Variants in DLGAP2 observed in about 807,000 individuals in gnomAD.
DLGAP2 encodes the protein DLG associated protein 2.
DLGAP2 carries 26 observed loss-of-function variants against 100.3 expected under a neutral mutation model. That is an observed-to-expected ratio of 0.26 (90% confidence interval 0.19 to 0.36). The LOEUF is 0.36. Ranked by LOEUF, DLGAP2 falls within the 10% of genes least tolerant of loss-of-function variation. DLGAP2 has a pLI of 1.00. For missense variants in DLGAP2, 1,858 were observed against 1,453.2 expected (o/e 1.28, Z -4.53); for synonymous variants, 886 against 630.1 (o/e 1.41, Z -6.08).
chr8:1,486,219 G>T (rs2130263959), intron 3 of DLGAP2, among the ~76,000 whole-genome samples: 1 of 152,260 alleles, frequency 6.6e-6, no homozygotes, highest in African/African-American at 2.4e-5. Flanking sequence ...ACTTGCCCCA[G>T]ATCATAAGAG....
chr8:1,337,462 A>ATGATGGTGAGGAAGATGG, intron 3 of DLGAP2, among the ~76,000 whole-genome samples: 1 of 90 alleles, frequency 0.011, no homozygotes, highest in Non-Finnish European at 0.022. Context: ...GATGGTGAGA[A>ATGATGGTGAGGAAGATGG]TGGTGAGGAT....
intron 1 of DLGAP2, among the ~76,000 whole-genome samples, chr8:887,092 T>C (rs1797937589): frequency 6.6e-6 from 1 of 152,238 alleles, no homozygotes; most frequent in Non-Finnish European, 1.5e-5. Context: ...TTAACTCTTC[T>C]TGTCGAATTG....
chr8:1,433,838 C>G lies in DLGAP2; in HGVS notation c.107-67528C>G, dbSNP rs540275212. On this transcript the variant is annotated intron_variant, in intron 3 of 14. Transcript: ENST00000637795. ...CAAATTTTTATTAAATGGTATAAAC[C>G]TCTGCTTATTTGTTCTAAATTTCTC... is the stretch of plus-strand genomic sequence containing the variant. Among the ~76,000 whole-genome samples, 361 of 146,412 alleles carry G rather than the reference C, an allele frequency of 2.5e-3. 1 individual carries two copies. Among genetic ancestry groups the G allele is most frequent in the Non-Finnish European group, 4.2e-3 (281 of 67,232 alleles).
intron 2 of DLGAP2, among the ~76,000 whole-genome samples, chr8:984,265 G>C (rs1387557298): frequency 6.6e-6 from 1 of 152,178 alleles, no homozygotes; most frequent in African/African-American, 2.4e-5. Context: ...TCTATGCGAG[G>C]TGAGCTGTCT....
intron 2 of DLGAP2, among the ~76,000 whole-genome samples, chr8:1,227,157 T>TATATATATATATATATATATATATAG (rs1563265009): frequency 8.1e-6 from 1 of 123,184 alleles, no homozygotes; most frequent in East Asian, 2.6e-4. Context: ...CTGTGAGATA[T>TATATATATATATATATATATATATAG]ATATATATAT....
chr8:1,433,011 G>A (rs1471004418), intron 3 of DLGAP2, among the ~76,000 whole-genome samples: 2 of 152,186 alleles, frequency 1.3e-5, no homozygotes, highest in Admixed American at 6.5e-5. Flanking sequence ...CCATGGAGGT[G>A]ACCCCCACAG....
intron 1 of DLGAP2, among the ~76,000 whole-genome samples, chr8:740,965 T>C (rs1020349634): frequency 1.9e-4 from 29 of 152,208 alleles, no homozygotes; most frequent in Admixed American, 1.9e-3. Flanking sequence ...ATTGCCATCA[T>C]GTTGGTTATA....
At chr8:1,590,773 T>A (rs1796266769) in intron 6 of DLGAP2, among the ~76,000 whole-genome samples, 1 of 152,174 alleles carries the variant, frequency 6.6e-6, no homozygotes, top group Non-Finnish European at 1.5e-5. Context: ...CTGAGGGACA[T>A]TCCTTCCTCC....
At chr8:1,471,627 T>C (rs1798796408) in intron 3 of DLGAP2, among the ~76,000 whole-genome samples, 1 of 148,030 alleles carries the variant, frequency 6.8e-6, no homozygotes, top group African/African-American at 2.5e-5. Flanking sequence ...CACTCATCCC[T>C]GAATTAAGGG....
At position 1,501,693 on chromosome 8, in the gene DLGAP2, G is replaced by T. The variant is rs145471263; in HGVS notation, c.172+262G>T. Among the ~76,000 whole-genome samples, 321 of 152,340 alleles carry T rather than the reference G, an allele frequency of 2.1e-3. 2 individuals carry two copies. Among genetic ancestry groups the T allele is most frequent in the African/African-American group, 7.3e-3 (304 of 41,574 alleles). ...ACATAAACGATGCATGTCTCCAGAG[G>T]TGAAGGACCCCTCCTTCCCTTGCTC... On this transcript the variant is annotated intron_variant, in intron 4 of 14. Transcript: ENST00000637795.
intron 1 of DLGAP2, among the ~76,000 whole-genome samples, chr8:828,106 C>T (rs1471227904): frequency 6.6e-6 from 1 of 152,188 alleles, no homozygotes; most frequent in Non-Finnish European, 1.5e-5. Flanking sequence ...GGCGAGATCA[C>T]AGGACCACAG....
intron 3 of DLGAP2, among the ~76,000 whole-genome samples, chr8:1,323,010 T>C (rs947105221): frequency 6.6e-6 from 1 of 151,988 alleles, no homozygotes; most frequent in African/African-American, 2.4e-5. Context: ...GCTTAGTAGA[T>C]GTTGACACTG....
intron 2 of DLGAP2, among the ~76,000 whole-genome samples, chr8:943,034 G>C (rs533048000): frequency 3.3e-5 from 5 of 152,328 alleles, no homozygotes; most frequent in Admixed American, 3.3e-4. Flanking sequence ...TGGGCATATT[G>C]AGCTTGCGTG....
At chr8:1,354,460 C>G (rs140220311) in intron 3 of DLGAP2, among the ~76,000 whole-genome samples, 44 of 152,304 alleles carry the variant, frequency 2.9e-4, no homozygotes, top group African/African-American at 9.6e-4. Context: ...TTACAGTGAG[C>G]TGATATTGAG....
chr8:1,089,714 C>A (rs565734010), intron 2 of DLGAP2, among the ~76,000 whole-genome samples: 2 of 152,304 alleles, frequency 1.3e-5, no homozygotes, highest in South Asian at 2.1e-4. Context: ...TTTATCATGG[C>A]AGTTTAAAGG....
intron 2 of DLGAP2, among the ~76,000 whole-genome samples, chr8:913,965 A>C (rs1798541011): frequency 6.6e-6 from 1 of 152,176 alleles, no homozygotes; most frequent in Admixed American, 6.5e-5. Flanking sequence ...TGCCACAATA[A>C]GTGGGAAATC....
chr8:847,853 T>A (rs1797099627), intron 1 of DLGAP2, among the ~76,000 whole-genome samples: 1 of 152,196 alleles, frequency 6.6e-6, no homozygotes, highest in African/African-American at 2.4e-5. Context: ...GAATTTCTGC[T>A]CCTGTCTTTA....
At chr8:1,443,597 C>T (rs757753248) in intron 3 of DLGAP2, among the ~76,000 whole-genome samples, 14 of 152,282 alleles carry the variant, frequency 9.2e-5, no homozygotes, top group East Asian at 5.8e-4. Context: ...CAGTTCCACA[C>T]GGCTGGGGAG....
At chr8:1,011,446 C>T (rs1255103612) in intron 2 of DLGAP2, among the ~76,000 whole-genome samples, 6 of 150,330 alleles carry the variant, frequency 4.0e-5, no homozygotes, top group African/African-American at 1.2e-4. Context: ...TCTCAGTCTA[C>T]ACAGTGAGCC....
Sources: allele counts gnomAD v4.1 joint callset (sites outside exome capture counted in the v4.1 genomes callset), GRCh38; gene constraint gnomAD v4.1.1; transcripts MANE v1.5; gene names NCBI Gene and HGNC (gene_info 2026-07-23, HGNC 2026-07-21).